ZNF69: variants seen among roughly 807,000 people sequenced by gnomAD.
The protein encoded by ZNF69 is zinc finger protein 69.
In ZNF69, 47 loss-of-function variants were observed where a neutral mutation model predicts 50.9. That is an observed-to-expected ratio of 0.92 (90% confidence interval 0.73 to 1.18). The LOEUF is 1.18. Among genes scored for constraint, ZNF69 ranks in the 50% most tolerant of loss-of-function variants. The pLI, the probability that ZNF69 is intolerant of heterozygous loss-of-function variation, is 0.00. For missense variants in ZNF69, 717 were observed against 675.1 expected, an observed-to-expected ratio of 1.06 and a Z score of -0.69; for synonymous variants, 216 against 223.1, an observed-to-expected ratio of 0.97 and a Z score of 0.29.
chr19:11,894,574 C>T (rs2050428861), intron 1 of ZNF69, among the ~76,000 whole-genome samples: 1 of 152,118 alleles, frequency 6.6e-6, no homozygotes, highest in African/African-American at 2.4e-5. Context: ...CTAATATTCC[C>T]ACAGCTGCCA....
chr19:11,956,745 A>G, the ZNF69 span: 20 of 383,832 alleles, frequency 5.2e-5, no homozygotes, highest in Middle Eastern at 6.6e-4. Flanking sequence ...AATCTCAGCC[A>G]TTCGGGAGGC....
chr19:11,920,878 A>C, the ZNF69 span, among the ~76,000 whole-genome samples: 1 of 152,134 alleles, frequency 6.6e-6, no homozygotes, highest in African/African-American at 2.4e-5. Context: ...TCATAATTAC[A>C]ACCAAAATCC....
the ZNF69 span, among the ~76,000 whole-genome samples, chr19:11,925,813 A>G: frequency 2.0e-5 from 3 of 152,360 alleles, no homozygotes; most frequent in East Asian, 1.9e-4. Flanking sequence ...TCAGAGCCGA[A>G]TAGGAGAGAC....
downstream of ZNF69, among the ~76,000 whole-genome samples, chr19:11,914,501 A>G (rs546090562): frequency 2.0e-5 from 3 of 152,192 alleles, no homozygotes; most frequent in Admixed American, 6.6e-5. Context: ...TATTTTTTCA[A>G]TTGCTTTACT....
chr19:11,944,128 T>C, the ZNF69 span, among the ~76,000 whole-genome samples: 1 of 152,182 alleles, frequency 6.6e-6, no homozygotes, highest in Non-Finnish European at 1.5e-5. Context: ...GAGAATAAGC[T>C]AATGGGGCGT....
intron 1 of ZNF69, 35 bp downstream of exon 1, chr19:11,888,021 G>A (rs1487781711): frequency 6.2e-7 from 1 of 1,603,916 alleles, no homozygotes; most frequent in East Asian, 2.3e-5. Flanking sequence ...TGAGACGGGG[G>A]AGGGGCTGCC....
chr19:11,906,334 C>T lies in ZNF69; in HGVS notation c.*236C>T, dbSNP rs1032360799. On this transcript the variant is annotated 3_prime_UTR_variant, in exon 4 of 4. Transcript: ENST00000429654. ...CAGCTTTGAAGAGAGTAGCAGTCCT[C>T]CCAGCATGGAGTTTGAGATCTAAGA... The T allele has an allele frequency of 6.0e-6, 7 of 1,168,186 alleles. No homozygotes were observed. Among genetic ancestry groups the T allele is most frequent in the Admixed American group, 3.6e-5 (1 of 27,752 alleles). The allele number at this position is 1,168,186 out of a possible 1,614,324, so 72.4% of individuals were successfully genotyped here.
chr19:11,977,120 A>T, the ZNF69 span: 8 of 1,614,178 alleles, frequency 5.0e-6, no homozygotes, highest in Non-Finnish European at 6.8e-6. Flanking sequence ...AGGAAACTCT[A>T]CAGGGAAGTG....
chr19:11,978,781 G>A, the ZNF69 span: 2 of 1,614,040 alleles, frequency 1.2e-6, no homozygotes, highest in African/African-American at 2.7e-5. Flanking sequence ...CCATATGAAT[G>A]TAAACAATGT....
intron 1 of ZNF69, among the ~76,000 whole-genome samples, chr19:11,890,263 A>G (rs893623567): frequency 2.0e-5 from 3 of 152,110 alleles, no homozygotes; most frequent in Non-Finnish European, 2.9e-5. Flanking sequence ...TCAGTGGGGG[A>G]AAACCTTGGA....
At chr19:11,941,575 G>A in the ZNF69 span, among the ~76,000 whole-genome samples, 95 of 152,322 alleles carry the variant, frequency 6.2e-4, no homozygotes, top group African/African-American at 1.9e-3. Context: ...CAGCAGGGTC[G>A]GCCGGCTGCT....
the ZNF69 span, among the ~76,000 whole-genome samples, chr19:11,940,372 T>C: frequency 1.3e-5 from 2 of 152,148 alleles, no homozygotes; most frequent in Non-Finnish European, 2.9e-5. Flanking sequence ...GTCTGGAGTT[T>C]GTTCCTTCTG....
At chr19:11,937,722 T>C in the ZNF69 span, among the ~76,000 whole-genome samples, 1 of 151,978 alleles carries the variant, frequency 6.6e-6, no homozygotes, top group Non-Finnish European at 1.5e-5. Context: ...TCTCCTGACC[T>C]CATGATCTGC....
At chr19:11,980,146 A>C in the ZNF69 span, 1 of 729,468 alleles carries the variant, frequency 1.4e-6, no homozygotes. Flanking sequence ...GATAGAAACC[A>C]AAGCAGGTGA....
the ZNF69 span, among the ~76,000 whole-genome samples, chr19:11,952,800 G>A: frequency 1.3e-5 from 2 of 152,292 alleles, no homozygotes; most frequent in African/African-American, 4.8e-5. Flanking sequence ...CTGACCAGGT[G>A]CAGTGGCTCA....
the ZNF69 span, among the ~76,000 whole-genome samples, chr19:11,935,175 C>CA: frequency 0.063 from 2,775 of 43,960 alleles, 91 homozygotes; most frequent in African/African-American, 0.092. Flanking sequence ...GACTCCGTCT[C>CA]AAAAAAAAAA....
At chr19:11,956,390 C>G in the ZNF69 span, 4 of 390,376 alleles carry the variant, frequency 1.0e-5, no homozygotes, top group East Asian at 1.4e-4. Context: ...TAGATACTTT[C>G]CCTGATGAGG....
the ZNF69 span, chr19:11,949,247 A>G: frequency 3.7e-6 from 6 of 1,614,158 alleles, no homozygotes; most frequent in Middle Eastern, 1.6e-4. Flanking sequence ...TTTCGATATC[A>G]TGAAAGGATT....
At chr19:11,929,235 C>T in the ZNF69 span, among the ~76,000 whole-genome samples, 1 of 148,560 alleles carries the variant, frequency 6.7e-6, no homozygotes, top group African/African-American at 2.6e-5. Flanking sequence ...GCGATCTCAG[C>T]TCACTGCAGC....
Sources: allele counts gnomAD v4.1 joint callset (sites outside exome capture counted in the v4.1 genomes callset), GRCh38; gene constraint gnomAD v4.1.1; transcripts MANE v1.5; gene names NCBI Gene and HGNC (gene_info 2026-07-23, HGNC 2026-07-21).